The following PKIB variants were observed in gnomAD, a reference collection of about 807,000 sequenced individuals.
PKIB encodes the protein cAMP-dependent protein kinase inhibitor beta.
In PKIB, 2 loss-of-function variants were observed where a neutral mutation model predicts 4.5. That is an observed-to-expected ratio of 0.44 (90% confidence interval 0.18 to 1.39). PKIB has a LOEUF of 1.39. Among genes scored for constraint, PKIB ranks in the 40% most tolerant of loss-of-function variants. The pLI is 0.27. For missense variants in PKIB, 94 were observed against 92.6 expected, an observed-to-expected ratio of 1.02 and a Z score of -0.06; for synonymous variants, 38 against 36.0, an observed-to-expected ratio of 1.06 and a Z score of -0.20.
At chr6:122,538,504 T>C (rs199989726) in intron 2 of PKIB, among the ~76,000 whole-genome samples, 4 of 152,106 alleles carry the variant, frequency 2.6e-5, no homozygotes, top group Non-Finnish European at 5.9e-5. Context: ...CGTGGCATTA[T>C]TTCTGAGGGC....
chr6:122,484,906 A>G (rs1487225811), intron 2 of PKIB, among the ~76,000 whole-genome samples: 1 of 152,234 alleles, frequency 6.6e-6, no homozygotes, highest in East Asian at 1.9e-4. Flanking sequence ...GCCAGAAACA[A>G]TAGATGAGTT....
At chr6:122,718,318 TG>T (rs1779584898) in intron 4 of PKIB, among the ~76,000 whole-genome samples, 1 of 152,198 alleles carries the variant, frequency 6.6e-6, no homozygotes, top group South Asian at 2.1e-4. Flanking sequence ...ATTTTTCTTC[TG>T]CCATCCATTG....
intron 2 of PKIB, among the ~76,000 whole-genome samples, chr6:122,521,267 G>C (rs555182050): frequency 2.9e-4 from 44 of 152,248 alleles, no homozygotes; most frequent in African/African-American, 1.0e-3. Flanking sequence ...AAGTGATTTG[G>C]AGCTTCTTCT....
chr6:122,632,878 T>TAA (rs112190584), intron 1 of PKIB, among the ~76,000 whole-genome samples: 2 of 151,660 alleles, frequency 1.3e-5, no homozygotes, highest in Non-Finnish European at 2.9e-5. Context: ...TTTGAAAATC[T>TAA]AAAAAAAAAT....
At chr6:122,602,249 A>G (rs1017821366) in intron 3 of PKIB, among the ~76,000 whole-genome samples, 2 of 152,210 alleles carry the variant, frequency 1.3e-5, no homozygotes, top group African/African-American at 4.8e-5. Flanking sequence ...GTGTTTCACA[A>G]GAAGCTACTA....
At chr6:122,539,515 C>T (rs1302860595) in intron 2 of PKIB, among the ~76,000 whole-genome samples, 1 of 152,086 alleles carries the variant, frequency 6.6e-6, no homozygotes, top group Non-Finnish European at 1.5e-5. Context: ...ACCAGCCTTG[C>T]ATCCCAGGGA....
chr6:122,682,137 C>CTT (rs879784612), intron 3 of PKIB, among the ~76,000 whole-genome samples: 8 of 146,564 alleles, frequency 5.5e-5, no homozygotes, highest in African/African-American at 1.7e-4. Context: ...TAAACACTAA[C>CTT]TTTTTTTTTT....
chr6:122,590,167 A>G (rs1429602586), intron 3 of PKIB, among the ~76,000 whole-genome samples: 1 of 152,174 alleles, frequency 6.6e-6, no homozygotes, highest in African/African-American at 2.4e-5. Context: ...CTAAGCTCTG[A>G]GCCTGCTGCA....
At chr6:122,568,397 C>A (rs982386091) in intron 2 of PKIB, among the ~76,000 whole-genome samples, 1 of 152,058 alleles carries the variant, frequency 6.6e-6, no homozygotes, top group African/African-American at 2.4e-5. Flanking sequence ...CTGTTAAGTC[C>A]CCAGAGTGTG....
At chr6:122,623,434 G>C (rs1775315655) in intron 1 of PKIB, among the ~76,000 whole-genome samples, 1 of 152,146 alleles carries the variant, frequency 6.6e-6, no homozygotes, top group Non-Finnish European at 1.5e-5. Flanking sequence ...TGCATCAAAG[G>C]CTAAAATGTG....
intron 2 of PKIB, among the ~76,000 whole-genome samples, chr6:122,511,860 C>T (rs941654243): frequency 2.2e-4 from 33 of 152,252 alleles, no homozygotes; most frequent in Non-Finnish European, 4.3e-4. Flanking sequence ...TTAGTGGGAG[C>T]GGGCTTAACT....
At position 122,561,994 on chromosome 6, in the gene PKIB, G is replaced by GTTT; in HGVS notation, c.-247-23920_-247-23918dup. Reference sequence around the variant, plus strand: ...GCATAGTTTTTTTTTGTTTGTTTTTGTTTTTTTTTGTTTTTTTTTTTTTTT... The same window carrying GTTT: ...GCATAGTTTTTTTTTGTTTGTTTTTGTTTTTTTTTTTTGTTTTTTTTTTTTTTT... On this transcript the variant is annotated intron_variant, in intron 2 of 6. Coordinates refer to the PKIB transcript ENST00000392491. Among the ~76,000 whole-genome samples, 51 of 40,902 alleles carry GTTT rather than the reference G, an allele frequency of 1.2e-3. 4 individuals are homozygous for GTTT. Among genetic ancestry groups the GTTT allele is most frequent in the East Asian group, 4.4e-3 (5 of 1,140 alleles). 26.8% of individuals were successfully genotyped at this position (40,902 alleles called of 152,430 possible). A position where few individuals can be genotyped will look rare whatever the true frequency, so the allele number is the denominator to read the frequency against.
At chr6:122,472,183 A>G (rs112158116) in intron 1 of PKIB, 1 of 166,098 alleles carries the variant, frequency 6.0e-6, no homozygotes, top group South Asian at 1.4e-4. Context: ...CCTCTTTCTC[A>G]GTCTTTGTCC....
intron 2 of PKIB, among the ~76,000 whole-genome samples, chr6:122,673,224 T>C (rs1777536477): frequency 6.6e-6 from 1 of 152,146 alleles, no homozygotes; most frequent in African/African-American, 2.4e-5. Context: ...ATTTTAAACA[T>C]GCATTTTTAA....
chr6:122,474,199 C>G (rs917772079), intron 1 of PKIB, among the ~76,000 whole-genome samples: 4 of 152,110 alleles, frequency 2.6e-5, no homozygotes, highest in Non-Finnish European at 5.9e-5. Context: ...TGATTAAGGG[C>G]TAGTATGCCA....
intron 3 of PKIB, among the ~76,000 whole-genome samples, chr6:122,593,544 C>G (rs1418365050): frequency 6.6e-6 from 1 of 152,072 alleles, no homozygotes; most frequent in Non-Finnish European, 1.5e-5. Flanking sequence ...TACGTGAATT[C>G]CAGAGCACAG....
chr6:122,708,670 G>A (rs1013705965), intron 3 of PKIB, among the ~76,000 whole-genome samples: 3 of 152,160 alleles, frequency 2.0e-5, no homozygotes, highest in Admixed American at 6.6e-5. Flanking sequence ...GTCTTGCTCT[G>A]TTGCCCAGGC....
Position 122,552,008 on chromosome 6 carries a change from G to A in PKIB, c.-247-33913G>A, listed in dbSNP as rs73547267. Among the ~76,000 whole-genome samples, 478 of 150,144 alleles carry A rather than the reference G, an allele frequency of 3.2e-3. 5 individuals are homozygous for A. The highest frequency in any genetic ancestry group is 0.011 in the African/African-American group (432 of 40,772). ...GTTCCTGAGCCTTCTGTGCATTCTC[G>A]ATGTCATGTTGGTTCTCTGCTCTCT... On this transcript the variant is annotated intron_variant, in intron 2 of 6. Transcript: ENST00000392491.
upstream of PKIB, among the ~76,000 whole-genome samples, chr6:122,608,498 C>T (rs1047721760): frequency 6.6e-6 from 1 of 152,238 alleles, no homozygotes; most frequent in African/African-American, 2.4e-5. Flanking sequence ...CTTTCCGCAT[C>T]TTCTCCTTAC....
Sources: gnomAD v4.1 joint callset for allele counts (sites outside exome capture counted in the v4.1 genomes callset) on GRCh38, gnomAD v4.1.1 for gene constraint, MANE v1.5 for transcripts, NCBI Gene and HGNC (gene_info 2026-07-23, HGNC 2026-07-21) for gene names.